The following SUDS3 variants were observed in gnomAD, a reference collection of about 807,000 sequenced individuals.
The protein encoded by SUDS3 is SIN3A corepressor complex component SDS3, also known as sin3 histone deacetylase corepressor complex component SDS3.
Under a neutral mutation model 53.5 loss-of-function variants are expected in SUDS3, and 23 were observed. That is an observed-to-expected ratio of 0.43 (90% confidence interval 0.31 to 0.61). The LOEUF (loss-of-function observed/expected upper bound fraction) is 0.61, where lower values mean the gene tolerates loss of function less well. Among genes scored for constraint, SUDS3 ranks in the 20% least tolerant of loss-of-function variants. The pLI, the probability that SUDS3 is intolerant of heterozygous loss-of-function variation, is 0.10. For synonymous variants in SUDS3, 150 were observed against 148.5 expected, an observed-to-expected ratio of 1.01 and a Z score of -0.08; for missense variants, 291 against 405.9, an observed-to-expected ratio of 0.72 and a Z score of 2.43.
In SUDS3 at chr12:118,376,848, T is replaced by C. The variant is rs1488486221; in HGVS notation, c.142+15T>C. ...GTCGGACGAAGGTGAGTCCTGCCGC[T>C]CGCCCGGCCGCCCGGAGCGGAGGTG... On this transcript the variant is annotated intron_variant, in intron 1 of 11. Transcript: ENST00000543473. The C allele has an allele frequency of 1.5e-6, 2 of 1,335,348 alleles. No homozygotes were observed. The highest frequency in any genetic ancestry group is 3.2e-5 in the African/African-American group (2 of 63,488). The allele number at this position is 1,335,348 out of a possible 1,614,324, so 82.7% of individuals were successfully genotyped here.
At chr12:118,396,059 A>G (rs1043152893) in intron 6 of SUDS3, among the ~76,000 whole-genome samples, 2 of 152,112 alleles carry the variant, frequency 1.3e-5, no homozygotes, top group African/African-American at 4.8e-5. Context: ...TTGTGTCAAC[A>G]TTGATGGCGC....
chr12:118,391,862 A>G (rs1030776897), intron 6 of SUDS3, among the ~76,000 whole-genome samples: 12 of 152,226 alleles, frequency 7.9e-5, no homozygotes, highest in Admixed American at 7.2e-4. Flanking sequence ...TATGATTCCA[A>G]CAGGATAGCC....
At position 118,403,511 on chromosome 12, in the gene SUDS3, A is replaced by G. The variant is rs1400738595; in HGVS notation, c.797A>G (p.Lys266Arg). The G allele has an allele frequency of 1.6e-5, 26 of 1,612,454 alleles. No individual in the cohort carries two copies. The highest frequency in any genetic ancestry group is 2.1e-5 in the Non-Finnish European group (25 of 1,179,238). The change falls in exon 10 of 12, where the codon AAA (lysine) becomes AGA (arginine). Residue 266 changes from lysine to arginine, a missense_variant. Transcript: ENST00000543473. ...RIEDGKLYYD[K>R]RWYHKSQAIY... ...GAAGATGGCAAACTGTACTATGACA[A>G]AAGATGGTATGTTATGGGAAAACCT...
intron 5 of SUDS3, 127 bp from the exon 6 acceptor site, chr12:118,390,999 G>A (rs750671495): frequency 1.3e-5 from 14 of 1,060,114 alleles, no homozygotes; most frequent in Non-Finnish European, 1.9e-5. Flanking sequence ...CAGACACACT[G>A]TTACTGCAAG....
intron 6 of SUDS3, among the ~76,000 whole-genome samples, chr12:118,398,856 A>G (rs1477122029): frequency 6.6e-6 from 1 of 152,082 alleles, no homozygotes; most frequent in Non-Finnish European, 1.5e-5. Flanking sequence ...CAGACATCCA[A>G]AGGGGTAGGT....
intron 4 of SUDS3, among the ~76,000 whole-genome samples, chr12:118,389,564 T>A (rs2141369038): frequency 6.6e-6 from 1 of 151,668 alleles, no homozygotes; most frequent in Non-Finnish European, 1.5e-5. Context: ...CAGGCTGTAG[T>A]ACAGTGGCAC....
At position 118,376,825 on chromosome 12, in the gene SUDS3, C is replaced by A; in HGVS notation, c.134C>A (p.Ser45Ter). ...DDERSCRGRE[S>*]DEDTEDASET... Reference sequence around the variant, plus strand: ...GAGCGCAGCTGTCGGGGCCGCGAGTCGGACGAAGGTGAGTCCTGCCGCTCG... The same window carrying A: ...GAGCGCAGCTGTCGGGGCCGCGAGTAGGACGAAGGTGAGTCCTGCCGCTCG... Residue 45 changes from serine (S) to a stop codon, truncating the protein, a stop_gained, in exon 1 of 12, where the codon TCG (serine) becomes TAG (stop). Transcript: ENST00000543473. LOFTEE classifies it high-confidence loss of function. 6.6e-7 allele frequency: 1 copy of A among 1,519,026 alleles called. No homozygotes were observed. Among genetic ancestry groups the A allele is most frequent in the Admixed American group, 2.0e-5 (1 of 50,828 alleles). 94.1% of individuals were successfully genotyped at this position (1,519,026 alleles called of 1,614,324 possible).
At chr12:118,384,352 A>G (rs926355516) in intron 3 of SUDS3, among the ~76,000 whole-genome samples, 2 of 152,246 alleles carry the variant, frequency 1.3e-5, no homozygotes, top group Non-Finnish European at 2.9e-5. Context: ...GCCTAAAGCT[A>G]GAGATTTTTA....
In SUDS3 at chr12:118,386,318, A is replaced by G. The variant is rs543958901; in HGVS notation, c.340+133A>G. 2.3e-5 allele frequency: 17 copies of G among 734,222 alleles called. No individual in the cohort carries two copies. In the African/African-American group the frequency reaches 2.9e-4, roughly 12 times the overall value. 45.5% of individuals were successfully genotyped at this position (734,222 alleles called of 1,614,324 possible). A position where few individuals can be genotyped will look rare whatever the true frequency, so the allele number is the denominator to read the frequency against. On this transcript the variant is annotated intron_variant, in intron 4 of 11. Transcript: ENST00000543473. ...CTCTGTCAGGGAGAGTTTTCAGAAA[A>G]GAGACTTCCAAGCTGCAGTTATGGA...
intron 3 of SUDS3, among the ~76,000 whole-genome samples, chr12:118,385,458 G>T (rs979117039): frequency 1.3e-5 from 2 of 152,226 alleles, no homozygotes; most frequent in African/African-American, 4.8e-5. Flanking sequence ...AGTGATCCAC[G>T]CCCTTGGACT....
At chr12:118,410,849 G>T (rs371286705) in intron 10 of SUDS3, among the ~76,000 whole-genome samples, 1 of 151,812 alleles carries the variant, frequency 6.6e-6, no homozygotes, top group Non-Finnish European at 1.5e-5. Context: ...CGCCTGCCTC[G>T]GCCTCCCAAA....
chr12:118,406,717 A>C (rs931877229), intron 10 of SUDS3, among the ~76,000 whole-genome samples: 2 of 151,734 alleles, frequency 1.3e-5, no homozygotes, highest in Admixed American at 6.6e-5. Context: ...TAAAAAAAAA[A>C]CGCACATTTT....
intron 9 of SUDS3, 47 bp downstream of exon 9, chr12:118,402,051 G>T (rs1416062278): frequency 1.9e-6 from 3 of 1,609,456 alleles, no homozygotes; most frequent in Non-Finnish European, 1.7e-6. Context: ...TTATCATGTT[G>T]TTGGAAAAGG....
chr12:118,394,816 G>C (rs1566202647), intron 6 of SUDS3, among the ~76,000 whole-genome samples: 1 of 152,114 alleles, frequency 6.6e-6, no homozygotes. Context: ...CTCCTGAGTA[G>C]CTGGGACTAC....
At chr12:118,381,741 A>C (rs1269614388) in intron 2 of SUDS3, among the ~76,000 whole-genome samples, 1 of 150,422 alleles carries the variant, frequency 6.6e-6, no homozygotes, top group African/African-American at 2.4e-5. Context: ...CTCTCACCCA[A>C]ACCTTCTCAT....
intron 11 of SUDS3, among the ~76,000 whole-genome samples, chr12:118,412,695 G>A (rs577903753): frequency 6.6e-6 from 1 of 152,306 alleles, no homozygotes; most frequent in African/African-American, 2.4e-5. Flanking sequence ...TTCAGAACCA[G>A]TGCATTATTC....
intron 9 of SUDS3, chr12:118,402,254 T>C (rs2046270084): frequency 1.8e-6 from 1 of 542,066 alleles, no homozygotes; most frequent in Non-Finnish European, 3.2e-6. Context: ...ATTTGATTGA[T>C]TGATTGATTT....
intron 6 of SUDS3, among the ~76,000 whole-genome samples, chr12:118,393,037 A>G (rs926341886): frequency 6.6e-6 from 1 of 152,248 alleles, no homozygotes; most frequent in Non-Finnish European, 1.5e-5. Flanking sequence ...AGCCATGGGC[A>G]TTAAAGGTAT....
Position 118,380,202 on chromosome 12 carries a change from T to A in SUDS3, c.183T>A (p.Asp61Glu). Residue 61 changes from aspartate to glutamate, a missense_variant, in exon 2 of 12, where the codon GAT (aspartate) becomes GAA (glutamate). Coordinates refer to ENST00000543473, the MANE Select transcript of SUDS3 (RefSeq NM_022491.3). ...DASETDLAKH[D>E]EEDYVEMKEQ... ...GTGAAACTGACCTGGCAAAGCATGA[T>A]GAAGAAGACTATGTAGAAATGAAGG... is the stretch of plus-strand genomic sequence containing the variant. The A allele has an allele frequency of 3.7e-6, 6 of 1,609,052 alleles. No homozygotes were observed. Among genetic ancestry groups the A allele is most frequent in the Non-Finnish European group, 5.1e-6 (6 of 1,177,776 alleles).
Sources: allele counts gnomAD v4.1 joint callset (sites outside exome capture counted in the v4.1 genomes callset), GRCh38; gene constraint gnomAD v4.1.1; transcripts MANE v1.5; gene names NCBI Gene and HGNC (gene_info 2026-07-23, HGNC 2026-07-21).